Variants in PRELID2 observed in about 807,000 individuals in gnomAD.
PRELID2 encodes PRELI domain-containing protein 2.
Under a neutral mutation model 28.4 loss-of-function variants are expected in PRELID2, and 25 were observed. The observed-to-expected ratio is 0.88, with a 90% CI of 0.64 to 1.23. The LOEUF (loss-of-function observed/expected upper bound fraction) is 1.23, where lower values mean the gene tolerates loss of function less well. PRELID2 is among the 50% of genes most tolerant of loss of function. The pLI, the probability that PRELID2 is intolerant of heterozygous loss-of-function variation, is 0.00. For missense variants in PRELID2, 201 were observed against 214.4 expected (o/e 0.94, Z 0.39); for synonymous variants, 76 against 71.6 (o/e 1.06, Z -0.31).
At chr5:145,617,740 T>G (rs1260270681) in intron 1 of PRELID2, among the ~76,000 whole-genome samples, 1 of 149,638 alleles carries the variant, frequency 6.7e-6, no homozygotes, top group Non-Finnish European at 1.5e-5. Flanking sequence ...TCTTTTTTTT[T>G]TTTTTAAATT....
intron 5 of PRELID2, among the ~76,000 whole-genome samples, chr5:145,777,897 G>A (rs1758516449): frequency 6.6e-6 from 1 of 152,202 alleles, no homozygotes; most frequent in African/African-American, 2.4e-5. Context: ...TCAGCTGTCA[G>A]GAACTGCTCC....
At chr5:145,537,008 A>G (rs1752705335) in intron 1 of PRELID2, among the ~76,000 whole-genome samples, 1 of 151,888 alleles carries the variant, frequency 6.6e-6, no homozygotes, top group Admixed American at 6.6e-5. Flanking sequence ...AGCAAGTATT[A>G]TCTACATACT....
At chr5:145,754,679 T>C (rs151196603), downstream of PRELID2, among the ~76,000 whole-genome samples, 2 of 152,294 alleles carry the variant, frequency 1.3e-5, no homozygotes, top group Non-Finnish European at 2.9e-5. Flanking sequence ...ATCAAATCTA[T>C]GGTGAAGCTT....
intron 1 of PRELID2, among the ~76,000 whole-genome samples, chr5:145,516,098 T>C (rs1752514266): frequency 6.6e-6 from 1 of 152,126 alleles, no homozygotes; most frequent in South Asian, 2.1e-4. Context: ...GGATGCCCTC[T>C]CTCACCACTC....
At chr5:145,265,506 G>A in the PRELID2 span, among the ~76,000 whole-genome samples, 12 of 152,204 alleles carry the variant, frequency 7.9e-5, no homozygotes, top group Admixed American at 3.3e-4. Context: ...AGCCTGCACA[G>A]CCAAAGCAAG....
chr5:145,810,948 G>T (rs997650889), intron 4 of PRELID2, among the ~76,000 whole-genome samples: 5 of 151,868 alleles, frequency 3.3e-5, no homozygotes, highest in Admixed American at 6.6e-5. Context: ...CCATTTTCAT[G>T]CTGCTGATAA....
chr5:145,395,945 T>C, the PRELID2 span, among the ~76,000 whole-genome samples: 1 of 152,140 alleles, frequency 6.6e-6, no homozygotes, highest in Non-Finnish European at 1.5e-5. Context: ...GTCATATATC[T>C]CCCTTACTAC....
the PRELID2 span, among the ~76,000 whole-genome samples, chr5:145,280,295 T>C: frequency 6.6e-6 from 1 of 152,140 alleles, no homozygotes; most frequent in Non-Finnish European, 1.5e-5. Flanking sequence ...TACACTTGAT[T>C]GGGCTAGAAG....
At chr5:145,336,094 T>C in the PRELID2 span, among the ~76,000 whole-genome samples, 2 of 152,386 alleles carry the variant, frequency 1.3e-5, no homozygotes, top group South Asian at 4.1e-4. Context: ...TCTGTTCATG[T>C]CCTTTGCCCA....
At chr5:145,676,023 C>A (rs942474286) in intron 1 of PRELID2, among the ~76,000 whole-genome samples, 9 of 151,488 alleles carry the variant, frequency 5.9e-5, no homozygotes, top group Admixed American at 2.0e-4. Flanking sequence ...GAATTTGAGA[C>A]CAGCCTGACC....
chr5:145,753,103 C>G (rs953861787), downstream of PRELID2, among the ~76,000 whole-genome samples: 10 of 152,122 alleles, frequency 6.6e-5, no homozygotes, highest in African/African-American at 2.4e-4. Context: ...ATCCTGGCAC[C>G]GGCACAAAGA....
At chr5:145,818,166 TA>T in intron 3 of PRELID2, 112 bp from the exon 4 acceptor site, 1 of 1,082,364 alleles carries the variant, frequency 9.2e-7, no homozygotes, top group Non-Finnish European at 1.3e-6. Flanking sequence ...GTAATCCTGA[TA>T]CATGGATGAT....
chr5:145,678,342 C>T lies in PRELID2; in HGVS notation n.70+86589G>A, dbSNP rs547379568. ...GTATCCCAAGGCAGAAGTGATCTTTCCCTCCTACAAACATCCAAAGAAATG... is the reference window on the plus strand; with the variant it reads ...GTATCCCAAGGCAGAAGTGATCTTTTCCTCCTACAAACATCCAAAGAAATG... On this transcript the variant is annotated intron_variant and non_coding_transcript_variant, in intron 1 of 2. Coordinates refer to the PRELID2 transcript ENST00000510259. Among the ~76,000 whole-genome samples the T allele has an allele frequency of 2.6e-5, 4 of 152,288 alleles. No homozygotes were observed. The East Asian group carries it at 7.7e-4, about 29-fold the overall frequency.
intron 1 of PRELID2, among the ~76,000 whole-genome samples, chr5:145,523,900 C>T (rs746159192): frequency 3.9e-5 from 6 of 152,162 alleles, no homozygotes; most frequent in Non-Finnish European, 7.4e-5. Flanking sequence ...TACTAGTTTG[C>T]ACATGCAGAT....
the PRELID2 span, among the ~76,000 whole-genome samples, chr5:145,461,545 G>T: frequency 6.6e-6 from 1 of 152,170 alleles, no homozygotes; most frequent in East Asian, 1.9e-4. Context: ...CTTGTGATCT[G>T]CCCACCTAGT....
chr5:145,258,572 G>A, the PRELID2 span, among the ~76,000 whole-genome samples: 3 of 152,268 alleles, frequency 2.0e-5, no homozygotes, highest in East Asian at 3.9e-4. Flanking sequence ...TCATAATTTA[G>A]GGTATCTGTA....
At chr5:145,832,928 T>A (rs1202088947) in intron 1 of PRELID2, among the ~76,000 whole-genome samples, 1 of 152,232 alleles carries the variant, frequency 6.6e-6, no homozygotes, top group Admixed American at 6.5e-5. Context: ...CTCCCTGCTA[T>A]ATTCAAGCAC....
intron 1 of PRELID2, among the ~76,000 whole-genome samples, chr5:145,620,407 AATG>A (rs1179990050): frequency 6.6e-6 from 1 of 152,190 alleles, no homozygotes; most frequent in Non-Finnish European, 1.5e-5. Context: ...TTTGGCTGAT[AATG>A]ATGATCCATG....
the PRELID2 span, chr5:145,441,208 T>G: frequency 2.0e-5 from 3 of 152,140 alleles, no homozygotes; most frequent in African/African-American, 7.2e-5. Flanking sequence ...AGCCCAAATA[T>G]CTCTGGTTGA....
Sources: allele counts gnomAD v4.1 joint callset (sites outside exome capture counted in the v4.1 genomes callset), GRCh38; gene constraint gnomAD v4.1.1; transcripts MANE v1.5; gene names NCBI Gene and HGNC (gene_info 2026-07-23, HGNC 2026-07-21).